MACROD2: variants seen among roughly 807,000 people sequenced by gnomAD.
MACROD2 encodes the protein mono-ADP ribosylhydrolase 2.
Under a neutral mutation model 70.4 loss-of-function variants are expected in MACROD2, and 36 were observed. That is an observed-to-expected ratio of 0.51 (90% CI 0.39 to 0.68). The LOEUF (loss-of-function observed/expected upper bound fraction) is 0.68. Ranked by LOEUF, MACROD2 falls within the 30% of genes least tolerant of loss-of-function variation. The probability of loss-of-function intolerance (pLI) is 0.00; values close to 1 mark genes in which losing one functional copy is unlikely to be tolerated. For missense variants in MACROD2, 496 were observed against 538.4 expected (o/e 0.92, Z 0.78); for synonymous variants, 172 against 178.8 (o/e 0.96, Z 0.30).
intron 3 of MACROD2, among the ~76,000 whole-genome samples, chr20:14,114,668 G>A (rs1010713957): frequency 7.9e-5 from 12 of 152,114 alleles, no homozygotes; most frequent in African/African-American, 2.9e-4. Context: ...CGGGGCACAA[G>A]ATCAGTAAGA....
At chr20:15,001,590 G>A (rs142293087) in intron 5 of MACROD2, among the ~76,000 whole-genome samples, 16 of 152,056 alleles carry the variant, frequency 1.1e-4, no homozygotes, top group African/African-American at 1.7e-4. Flanking sequence ...TCCATTTTCC[G>A]TTTGACTAAA....
At chr20:15,111,295 C>T (rs1307578821) in intron 5 of MACROD2, among the ~76,000 whole-genome samples, 1 of 151,844 alleles carries the variant, frequency 6.6e-6, no homozygotes, top group Non-Finnish European at 1.5e-5. Context: ...GCCTTAGCCT[C>T]CCAAGCAGCT....
intron 3 of MACROD2, among the ~76,000 whole-genome samples, chr20:14,301,354 G>A (rs1323433225): frequency 1.3e-5 from 2 of 152,192 alleles, no homozygotes; most frequent in African/African-American, 4.8e-5. Context: ...AAGTGTTGGT[G>A]GCATATTGAA....
chr20:14,937,855 C>G (rs1057354026), intron 5 of MACROD2, among the ~76,000 whole-genome samples: 1 of 152,050 alleles, frequency 6.6e-6, no homozygotes, highest in African/African-American at 2.4e-5. Context: ...CCCTTCCTAG[C>G]CTCTAGTAAC....
chr20:15,525,734 C>A (rs537666751), intron 8 of MACROD2, among the ~76,000 whole-genome samples: 1 of 152,142 alleles, frequency 6.6e-6, no homozygotes, highest in African/African-American at 2.4e-5. Context: ...CATTAAAAGG[C>A]GGTTTGGGTA....
At position 15,123,245 on chromosome 20, in the gene MACROD2, C is replaced by T. The variant is rs930058453; in HGVS notation, c.419-106695C>T. On this transcript the variant is annotated intron_variant, in intron 5 of 17. Transcript: ENST00000684519. ...AAGCTGTAGGCTGCCATCTTGGGGA[C>T]ATGGAAAGCTGCCTTAGGAAGAAGG... Among the ~76,000 whole-genome samples, 18 of 152,026 alleles carry T rather than the reference C, an allele frequency of 1.2e-4. 1 individual carries two copies. Among genetic ancestry groups the T allele is most frequent in the Non-Finnish European group, 2.9e-5 (2 of 68,014 alleles).
chr20:15,358,376 A>G (rs1050589362), intron 6 of MACROD2, among the ~76,000 whole-genome samples: 1 of 152,216 alleles, frequency 6.6e-6, no homozygotes, highest in African/African-American at 2.4e-5. Flanking sequence ...TTATTGAATG[A>G]CTGACAAGGG....
intron 5 of MACROD2, among the ~76,000 whole-genome samples, chr20:15,192,618 C>T (rs1356746165): frequency 6.6e-6 from 1 of 152,174 alleles, no homozygotes; most frequent in South Asian, 2.1e-4. Flanking sequence ...TATCACTTAG[C>T]CATAAACTAA....
chr20:15,869,950 T>C (rs1407224401), intron 9 of MACROD2, among the ~76,000 whole-genome samples: 3 of 152,122 alleles, frequency 2.0e-5, no homozygotes, highest in African/African-American at 7.2e-5. Context: ...CAGATAGCAC[T>C]GAGAAAGTGT....
chr20:15,508,092 C>T (rs983007720), intron 8 of MACROD2, among the ~76,000 whole-genome samples: 1 of 152,152 alleles, frequency 6.6e-6, no homozygotes, highest in African/African-American at 2.4e-5. Flanking sequence ...GCAATCAAGG[C>T]CTTGGGGTGC....
At chr20:15,079,281 G>T (rs1318230438) in intron 5 of MACROD2, among the ~76,000 whole-genome samples, 1 of 151,660 alleles carries the variant, frequency 6.6e-6, no homozygotes, top group African/African-American at 2.4e-5. Context: ...TTAATTCTTG[G>T]TGGCTCCAGC....
rs6074683 is a variant in MACROD2 at position 14,086,808 on chromosome 20, G to T, written c.271+1080G>T. On this transcript the variant is annotated intron_variant, in intron 3 of 17. Transcript: ENST00000684519. ...TCTGTTTCTGGCCTTGTCATTGGTT[G>T]CAAGGTGGTCATCTGTCAGTTTTAT... Among the ~76,000 whole-genome samples the T allele has an allele frequency of 9.4e-3, 1,437 of 152,298 alleles. 9 individuals are homozygous for T. Among genetic ancestry groups the T allele is most frequent in the Non-Finnish European group, 0.014 (958 of 68,030 alleles).
At chr20:15,427,893 T>C (rs956539038) in intron 6 of MACROD2, among the ~76,000 whole-genome samples, 2 of 152,214 alleles carry the variant, frequency 1.3e-5, no homozygotes, top group African/African-American at 2.4e-5. Flanking sequence ...TGACAATGTC[T>C]AGAAATATTT....
chr20:15,096,245 A>C (rs1047186208), intron 5 of MACROD2, among the ~76,000 whole-genome samples: 8 of 151,980 alleles, frequency 5.3e-5, no homozygotes, highest in African/African-American at 1.9e-4. Context: ...CTCCTACTCA[A>C]GGTGCAATCA....
intron 3 of MACROD2, among the ~76,000 whole-genome samples, chr20:14,280,260 T>C (rs1469631937): frequency 1.3e-5 from 2 of 152,168 alleles, no homozygotes; most frequent in East Asian, 3.8e-4. Context: ...GGCCAAAGGA[T>C]ATCATAATTT....
chr20:15,926,378 C>T (rs1305529365), intron 10 of MACROD2, among the ~76,000 whole-genome samples: 1 of 152,094 alleles, frequency 6.6e-6, no homozygotes, highest in Non-Finnish European at 1.5e-5. Flanking sequence ...TTTATTGAAC[C>T]CCTACCAGGT....
At chr20:15,258,661 A>T (rs929048869) in intron 6 of MACROD2, among the ~76,000 whole-genome samples, 2 of 152,072 alleles carry the variant, frequency 1.3e-5, no homozygotes. Context: ...CATTTCTGAG[A>T]ACATATCCCC....
At chr20:15,046,424 C>G (rs1294265596) in intron 5 of MACROD2, among the ~76,000 whole-genome samples, 2 of 152,180 alleles carry the variant, frequency 1.3e-5, no homozygotes, top group Non-Finnish European at 2.9e-5. Context: ...CAAGATTAAA[C>G]CCAATGAGAA....
chr20:15,536,586 A>G (rs148744870), intron 8 of MACROD2, among the ~76,000 whole-genome samples: 12 of 152,342 alleles, frequency 7.9e-5, no homozygotes, highest in African/African-American at 2.6e-4. Flanking sequence ...CCATTTTGGC[A>G]TGTTGAAAAT....
Sources: gnomAD v4.1 joint callset for allele counts (sites outside exome capture counted in the v4.1 genomes callset) on GRCh38, gnomAD v4.1.1 for gene constraint, MANE v1.5 for transcripts, NCBI Gene and HGNC (gene_info 2026-07-23, HGNC 2026-07-21) for gene names.